PRKCE: variants seen among roughly 807,000 people sequenced by gnomAD.
The protein encoded by PRKCE is protein kinase C epsilon type.
In PRKCE, 16 loss-of-function variants were observed where a neutral mutation model predicts 85.4. The ratio of observed to expected loss-of-function variants is 0.19; its 90% CI spans 0.13 to 0.28. The LOEUF (loss-of-function observed/expected upper bound fraction) is 0.28. Ranked by LOEUF, PRKCE falls within the 10% of genes least tolerant of loss-of-function variation. The probability of loss-of-function intolerance (pLI) is 1.00; values close to 1 mark genes in which losing one functional copy is unlikely to be tolerated. For synonymous variants in PRKCE, 388 were observed against 371.5 expected, an observed-to-expected ratio of 1.04 and a Z score of -0.51; for missense variants, 573 against 975.2, an observed-to-expected ratio of 0.59 and a Z score of 5.49.
chr2:45,653,367 G>GTTTT (rs71394848), intron 1 of PRKCE, among the ~76,000 whole-genome samples: 3 of 48,446 alleles, frequency 6.2e-5, no homozygotes, highest in African/African-American at 1.4e-4. Flanking sequence ...TTGTTTTTGG[G>GTTTT]TTGTTTTTTT....
intron 11 of PRKCE, among the ~76,000 whole-genome samples, chr2:46,126,807 T>G (rs941561382): frequency 9.9e-5 from 15 of 152,014 alleles, no homozygotes; most frequent in Non-Finnish European, 1.8e-4. Flanking sequence ...TACTGGGAGC[T>G]GATGAGTGAG....
intron 1 of PRKCE, chr2:45,675,451 C>G (rs904058785): frequency 2.0e-5 from 3 of 152,240 alleles, no homozygotes; most frequent in African/African-American, 4.8e-5. Flanking sequence ...CATAAATGCA[C>G]TGTCATTTAT....
At chr2:46,141,170 A>G (rs898650891) in intron 11 of PRKCE, among the ~76,000 whole-genome samples, 6 of 152,170 alleles carry the variant, frequency 3.9e-5, no homozygotes, top group African/African-American at 1.2e-4. Flanking sequence ...ACATATGTGC[A>G]AAATGTCCTA....
At chr2:46,116,516 G>A (rs535176481) in intron 11 of PRKCE, among the ~76,000 whole-genome samples, 1 of 152,322 alleles carries the variant, frequency 6.6e-6, no homozygotes, top group African/African-American at 2.4e-5. Context: ...AATCAATGAG[G>A]AAATCAGAAG....
intron 13 of PRKCE, among the ~76,000 whole-genome samples, chr2:46,156,060 A>C (rs566844374): frequency 0.011 from 83 of 7,250 alleles, 1 homozygote; most frequent in South Asian, 0.016. Context: ...TGTTACGTGG[A>C]AAAAAAAAAA....
intron 2 of PRKCE, among the ~76,000 whole-genome samples, chr2:45,936,038 G>C (rs558420890): frequency 6.6e-5 from 10 of 152,304 alleles, no homozygotes; most frequent in Non-Finnish European, 4.4e-5. Context: ...GCTCGTAGGA[G>C]ACCCTCTGTC....
intron 10 of PRKCE, among the ~76,000 whole-genome samples, chr2:46,050,692 C>G (rs542194800): frequency 6.6e-6 from 1 of 152,346 alleles, no homozygotes; most frequent in South Asian, 2.1e-4. Context: ...AATTTCAGGA[C>G]ACTGCCACCT....
chr2:46,123,214 CTTTTTTTTTTTTTTT>C (rs70937991), intron 11 of PRKCE, among the ~76,000 whole-genome samples: 3 of 27,352 alleles, frequency 1.1e-4, no homozygotes, highest in South Asian at 2.8e-3. Flanking sequence ...AAACACTTGC[CTTTTTTTTTTTTTTT>C]TTTTTTTTTT....
chr2:45,681,790 T>C (rs978323407), intron 1 of PRKCE, among the ~76,000 whole-genome samples: 22 of 152,198 alleles, frequency 1.4e-4, no homozygotes, highest in Non-Finnish European at 3.1e-4. Context: ...GCATGCCCTG[T>C]ATTAAAGCAG....
chr2:45,741,538 G>C (rs1204331240), intron 1 of PRKCE, among the ~76,000 whole-genome samples: 1 of 152,220 alleles, frequency 6.6e-6, no homozygotes, highest in Non-Finnish European at 1.5e-5. Flanking sequence ...GTGGAACGAG[G>C]TCTGTTCTCC....
At chr2:45,959,743 C>G (rs1006675245) in intron 2 of PRKCE, among the ~76,000 whole-genome samples, 2 of 152,212 alleles carry the variant, frequency 1.3e-5, no homozygotes, top group Admixed American at 1.3e-4. Context: ...AATCATCTAA[C>G]TTACCCTCTT....
chr2:46,092,134 C>T (rs1157714278), intron 11 of PRKCE, among the ~76,000 whole-genome samples: 2 of 152,194 alleles, frequency 1.3e-5, no homozygotes, highest in Non-Finnish European at 2.9e-5. Flanking sequence ...ATAGTACCTG[C>T]CTTGTCTCTT....
At chr2:45,936,071 C>G (rs557035408) in intron 2 of PRKCE, among the ~76,000 whole-genome samples, 1 of 152,274 alleles carries the variant, frequency 6.6e-6, no homozygotes, top group South Asian at 2.1e-4. Flanking sequence ...TAGGAGCCAG[C>G]CTGCTGCCCT....
At chr2:45,711,440 T>G (rs995199072) in intron 1 of PRKCE, among the ~76,000 whole-genome samples, 2 of 152,212 alleles carry the variant, frequency 1.3e-5, no homozygotes, top group Non-Finnish European at 2.9e-5. Flanking sequence ...GTGTCTCAAT[T>G]GCCTCATCTG....
At chr2:45,880,552 T>C (rs1360124972) in intron 2 of PRKCE, among the ~76,000 whole-genome samples, 1 of 152,084 alleles carries the variant, frequency 6.6e-6, no homozygotes, top group Non-Finnish European at 1.5e-5. Flanking sequence ...GCTTGGCATT[T>C]ACCTCAATTT....
At chr2:45,939,151 C>T (rs1052983678) in intron 2 of PRKCE, among the ~76,000 whole-genome samples, 4 of 152,336 alleles carry the variant, frequency 2.6e-5, no homozygotes, top group African/African-American at 9.6e-5. Context: ...ACATTATGCC[C>T]TCACTCACAG....
intron 1 of PRKCE, among the ~76,000 whole-genome samples, chr2:45,789,226 C>T (rs996349471): frequency 3.3e-5 from 5 of 151,982 alleles, no homozygotes; most frequent in African/African-American, 9.7e-5. Flanking sequence ...ATAGCAAGAT[C>T]CCATGTCTAC....
intron 1 of PRKCE, among the ~76,000 whole-genome samples, chr2:45,678,163 G>C (rs1676622908): frequency 6.6e-6 from 1 of 152,180 alleles, no homozygotes; most frequent in South Asian, 2.1e-4. Context: ...AATACATATT[G>C]CATGTTGAAA....
rs931889657 is a variant in PRKCE at position 46,138,278 on chromosome 2, G to A, written c.1593-6815G>A. ...AAAGATTTCTTTTCCCAGCCCAGAG[G>A]AATTTTAGTCCAAGCATCAAATAGA... On this transcript the variant is annotated intron_variant, in intron 11 of 14. Transcript: ENST00000306156. This position sits in a 1 kb window ranked among gnomAD's most constrained non-coding sequence, Gnocchi z 4.2. 2.6e-5 allele frequency among the ~76,000 whole-genome samples: 4 copies of A among 152,132 alleles called. No individual in the cohort carries two copies. The highest frequency in any genetic ancestry group is 5.9e-5 in the Non-Finnish European group (4 of 68,030).
Sources: allele counts gnomAD v4.1 joint callset (sites outside exome capture counted in the v4.1 genomes callset), GRCh38; gene constraint gnomAD v4.1.1; non-coding constraint Gnocchi (gnomAD v3.1); transcripts MANE v1.5; gene names NCBI Gene and HGNC (gene_info 2026-07-23, HGNC 2026-07-21).